OR1J2: variants seen among roughly 807,000 people sequenced by gnomAD.
OR1J2 encodes olfactory receptor 1J2.
For synonymous variants in OR1J2, 142 were observed against 99.7 expected (o/e 1.42, Z -2.52); for missense variants, 304 against 246.1 (o/e 1.24, Z -1.57).
At chr9:122,551,040 G>C in the OR1J2 span, among the ~76,000 whole-genome samples, 1 of 136,934 alleles carries the variant, frequency 7.3e-6, no homozygotes, top group Non-Finnish European at 1.6e-5. Context: ...TCCTAGATTT[G>C]ATAAATGAAT....
At chr9:122,568,346 C>G in the OR1J2 span, 1 of 1,614,072 alleles carries the variant, frequency 6.2e-7, no homozygotes, top group Non-Finnish European at 8.5e-7. Flanking sequence ...GGATGATGAG[C>G]AGGTTCCCTG....
chr9:122,516,694 G>T (rs1326418322), downstream of OR1J2, among the ~76,000 whole-genome samples: 1 of 152,174 alleles, frequency 6.6e-6, no homozygotes, highest in Non-Finnish European at 1.5e-5. Flanking sequence ...AAATCCCATG[G>T]ATTAAATAGA....
At chr9:122,554,243 G>C in the OR1J2 span, 1 of 1,047,110 alleles carries the variant, frequency 9.6e-7, no homozygotes, top group Non-Finnish European at 1.4e-6. Context: ...CTACTGTCAT[G>C]TTGATATTAG....
At chr9:122,486,680 A>C in the OR1J2 span, among the ~76,000 whole-genome samples, 1 of 152,226 alleles carries the variant, frequency 6.6e-6, no homozygotes, top group Admixed American at 6.5e-5. Context: ...ACAAAATGGC[A>C]TTATTCTCAT....
At chr9:122,540,006 T>C in the OR1J2 span, among the ~76,000 whole-genome samples, 11 of 152,346 alleles carry the variant, frequency 7.2e-5, no homozygotes, top group African/African-American at 2.6e-4. Flanking sequence ...TTGTAGATTC[T>C]GGATATTAGC....
At chr9:122,528,992 C>A in the OR1J2 span, among the ~76,000 whole-genome samples, 2 of 152,128 alleles carry the variant, frequency 1.3e-5, no homozygotes, top group African/African-American at 4.8e-5. Flanking sequence ...AGAGTCTATA[C>A]CTGAATAAAA....
At chr9:122,466,775 C>T in the OR1J2 span, among the ~76,000 whole-genome samples, 3 of 152,300 alleles carry the variant, frequency 2.0e-5, no homozygotes, top group Non-Finnish European at 2.9e-5. Context: ...TTTCCCACTT[C>T]TCCCACTTAA....
the OR1J2 span, among the ~76,000 whole-genome samples, chr9:122,448,389 A>G: frequency 2.6e-5 from 4 of 152,156 alleles, no homozygotes; most frequent in Non-Finnish European, 5.9e-5. Context: ...CAAATGTACA[A>G]TCGGGTTTTA....
the OR1J2 span, among the ~76,000 whole-genome samples, chr9:122,499,305 G>T: frequency 6.6e-6 from 1 of 152,254 alleles, no homozygotes; most frequent in African/African-American, 2.4e-5. Flanking sequence ...GGGACAGGGG[G>T]CTGCCTAAGC....
At chr9:122,568,105 C>T in the OR1J2 span, 27 of 1,613,900 alleles carry the variant, frequency 1.7e-5, no homozygotes. Flanking sequence ...CAGACGGCCA[C>T]ATAGCGGTCA....
the OR1J2 span, chr9:122,567,925 C>T: frequency 3.7e-6 from 6 of 1,613,952 alleles, no homozygotes; most frequent in South Asian, 5.5e-5. Flanking sequence ...AATTTCAGCA[C>T]AGGGCTGAGG....
At chr9:122,495,145 C>G in the OR1J2 span, among the ~76,000 whole-genome samples, 1 of 152,014 alleles carries the variant, frequency 6.6e-6, no homozygotes, top group African/African-American at 2.4e-5. Context: ...CTTTATATAA[C>G]CTGAAGACTA....
chr9:122,508,363 T>G (rs1828569828), upstream of OR1J2, among the ~76,000 whole-genome samples: 1 of 152,130 alleles, frequency 6.6e-6, no homozygotes, highest in Admixed American at 6.5e-5. Flanking sequence ...ATTTAAAAAC[T>G]GAAAGATTTG....
the OR1J2 span, among the ~76,000 whole-genome samples, chr9:122,571,489 G>GCAGTCAGCC: frequency 6.6e-6 from 1 of 151,088 alleles, no homozygotes; most frequent in African/African-American, 2.4e-5. Flanking sequence ...GACGGAGGTT[G>GCAGTCAGCC]CAGTGAGCTG....
chr9:122,576,555 T>A, the OR1J2 span, among the ~76,000 whole-genome samples: 1 of 152,090 alleles, frequency 6.6e-6, no homozygotes, highest in East Asian at 1.9e-4. Context: ...TTATATTCAC[T>A]CATTGTTGGG....
the OR1J2 span, among the ~76,000 whole-genome samples, chr9:122,554,381 T>C: frequency 6.6e-6 from 1 of 152,090 alleles, no homozygotes; most frequent in Non-Finnish European, 1.5e-5. Context: ...GAGGCAACCA[T>C]TACTAACAGC....
chr9:122,532,776 C>A, the OR1J2 span, among the ~76,000 whole-genome samples: 2 of 152,098 alleles, frequency 1.3e-5, no homozygotes, highest in Non-Finnish European at 2.9e-5. Context: ...GTTGTTTGGA[C>A]AGAAAGGCTA....
At chr9:122,521,328 A>G in the OR1J2 span, among the ~76,000 whole-genome samples, 1 of 152,222 alleles carries the variant, frequency 6.6e-6, no homozygotes. Context: ...TTCAAAAGCA[A>G]TAACCTGCCC....
the OR1J2 span, among the ~76,000 whole-genome samples, chr9:122,522,583 A>ATGTGTGTGTGTGTG: frequency 2.0e-5 from 3 of 150,852 alleles, no homozygotes; most frequent in East Asian, 5.8e-4. Context: ...AACTGTGTGC[A>ATGTGTGTGTGTGTG]TGTGTGTGTG....
Sources: allele counts gnomAD v4.1 joint callset (sites outside exome capture counted in the v4.1 genomes callset), GRCh38; gene constraint gnomAD v4.1.1; transcripts MANE v1.5; gene names NCBI Gene and HGNC (gene_info 2026-07-23, HGNC 2026-07-21).